Variants in DGKB observed in about 807,000 individuals in gnomAD.
The protein encoded by DGKB is diacylglycerol kinase beta, also known as 90 kDa diacylglycerol kinase.
Under a neutral mutation model 114.3 loss-of-function variants are expected in DGKB, and 67 were observed. The observed-to-expected ratio is 0.59, with a 90% CI of 0.48 to 0.72. The LOEUF is 0.72. Among genes scored for constraint, DGKB ranks in the 30% least tolerant of loss-of-function variants. DGKB has a pLI of 0.00. For missense variants in DGKB, 907 were observed against 975.2 expected (o/e 0.93, Z 0.93); for synonymous variants, 398 against 323.1 (o/e 1.23, Z -2.49).
intron 17 of DGKB, among the ~76,000 whole-genome samples, chr7:14,604,352 T>G (rs190220001): frequency 2.1e-4 from 32 of 152,262 alleles, no homozygotes; most frequent in Middle Eastern, 3.4e-3. Flanking sequence ...TCAAGAAAGT[T>G]ATTTCCTCTT....
At chr7:14,168,937 G>A (rs1479267759) in intron 25 of DGKB, among the ~76,000 whole-genome samples, 1 of 152,154 alleles carries the variant, frequency 6.6e-6, no homozygotes, top group African/African-American at 2.4e-5. Flanking sequence ...CTTCCAGAAA[G>A]ATTTTGAAGT....
chr7:14,966,988 G>C (rs996652880), intron 1 of DGKB, among the ~76,000 whole-genome samples: 5 of 152,050 alleles, frequency 3.3e-5, no homozygotes, highest in Non-Finnish European at 7.4e-5. Flanking sequence ...AATATATTTT[G>C]ATGTATTTTA....
At chr7:14,461,703 T>C (rs1318303666) in intron 21 of DGKB, among the ~76,000 whole-genome samples, 1 of 152,158 alleles carries the variant, frequency 6.6e-6, no homozygotes, top group African/African-American at 2.4e-5. Context: ...TCATGCCTTC[T>C]GAAACTATTC....
chr7:14,196,937 T>A (rs935614115), intron 23 of DGKB, among the ~76,000 whole-genome samples: 1 of 152,108 alleles, frequency 6.6e-6, no homozygotes, highest in Non-Finnish European at 1.5e-5. Context: ...AACACTAATC[T>A]AGCTTTTGGA....
chr7:14,820,986 G>C (rs1252766174), intron 2 of DGKB, among the ~76,000 whole-genome samples: 1 of 152,026 alleles, frequency 6.6e-6, no homozygotes, highest in Non-Finnish European at 1.5e-5. Context: ...ATACTGAATT[G>C]TCTGTCCTCT....
chr7:14,610,724 T>C (rs1384024757), intron 16 of DGKB, among the ~76,000 whole-genome samples: 3 of 152,040 alleles, frequency 2.0e-5, no homozygotes, highest in Non-Finnish European at 2.9e-5. Flanking sequence ...CTCTGTGCCT[T>C]CCTAAAAGAA....
chr7:14,591,841 G>A, intron 17 of DGKB, among the ~76,000 whole-genome samples: 1 of 151,770 alleles, frequency 6.6e-6, no homozygotes, highest in Non-Finnish European at 1.5e-5. Flanking sequence ...ATACAGAAAA[G>A]GCAGTAAATT....
intron 20 of DGKB, among the ~76,000 whole-genome samples, chr7:14,522,567 C>A (rs1789962999): frequency 6.6e-6 from 1 of 152,182 alleles, no homozygotes; most frequent in Admixed American, 6.5e-5. Flanking sequence ...TGGCAGCAAG[C>A]CCTGCCCTGT....
At chr7:14,918,235 A>G (rs1467519285) in intron 1 of DGKB, among the ~76,000 whole-genome samples, 1 of 152,174 alleles carries the variant, frequency 6.6e-6, no homozygotes, top group Non-Finnish European at 1.5e-5. Flanking sequence ...ACATTGTACT[A>G]AAAGTTCTAG....
chr7:14,925,561 T>C (rs2128248729), intron 1 of DGKB, among the ~76,000 whole-genome samples: 1 of 152,306 alleles, frequency 6.6e-6, no homozygotes, highest in South Asian at 2.1e-4. Flanking sequence ...TAGGTCTTCT[T>C]TGATTTATTG....
chr7:14,352,754 C>T (rs1813713790), intron 21 of DGKB, among the ~76,000 whole-genome samples: 1 of 151,994 alleles, frequency 6.6e-6, no homozygotes, highest in Non-Finnish European at 1.5e-5. Context: ...GAAACCCTGT[C>T]TCTACTAAAA....
chr7:14,558,985 A>T (rs747532597), intron 20 of DGKB, among the ~76,000 whole-genome samples: 4 of 152,174 alleles, frequency 2.6e-5, no homozygotes, highest in African/African-American at 4.8e-5. Context: ...AATTGAACAA[A>T]GCAGATCACC....
At chr7:14,867,785 G>A (rs1017169576) in intron 1 of DGKB, among the ~76,000 whole-genome samples, 2 of 152,046 alleles carry the variant, frequency 1.3e-5, no homozygotes, top group African/African-American at 4.8e-5. Context: ...CGAAAATACG[G>A]TTCCTTAGCA....
At chr7:14,947,541 T>C (rs1246382812) in intron 1 of DGKB, among the ~76,000 whole-genome samples, 1 of 128,470 alleles carries the variant, frequency 7.8e-6, no homozygotes, top group Admixed American at 8.0e-5. Flanking sequence ...TATATGGTTG[T>C]ACAATAGGAT....
intron 8 of DGKB, 39 bp downstream of exon 8, chr7:14,698,056 C>A: frequency 8.9e-7 from 1 of 1,120,146 alleles, no homozygotes; most frequent in Non-Finnish European, 1.3e-6. Context: ...AAGAGGCCTT[C>A]CAGAATTTAG....
intron 20 of DGKB, among the ~76,000 whole-genome samples, chr7:14,481,761 T>G (rs1215290557): frequency 6.6e-6 from 1 of 151,996 alleles, no homozygotes; most frequent in Non-Finnish European, 1.5e-5. Flanking sequence ...TCTCTCCCTG[T>G]GTGCAAACTT....
At chr7:14,693,951 A>C in intron 9 of DGKB, 124 bp downstream of exon 9, 4 of 1,116,606 alleles carry the variant, frequency 3.6e-6, no homozygotes, top group Non-Finnish European at 5.0e-6. Context: ...TACTTATTAA[A>C]AGTTCCAGGC....
intron 2 of DGKB, among the ~76,000 whole-genome samples, chr7:14,778,234 G>T (rs557575985): frequency 1.3e-5 from 2 of 152,230 alleles, no homozygotes; most frequent in Non-Finnish European, 2.9e-5. Flanking sequence ...GGAACTTATT[G>T]TTATTTTATC....
chr7:14,792,879 G>T (rs57054093), intron 2 of DGKB, among the ~76,000 whole-genome samples: 16,411 of 152,022 alleles, frequency 0.11, 916 homozygotes, highest in South Asian at 0.14. Flanking sequence ...GGAAATTACT[G>T]CTACTTTTAA....
Sources: allele counts gnomAD v4.1 joint callset (sites outside exome capture counted in the v4.1 genomes callset), GRCh38; gene constraint gnomAD v4.1.1; transcripts MANE v1.5; gene names NCBI Gene and HGNC (gene_info 2026-07-23, HGNC 2026-07-21).